The following AGBL1 variants were observed in gnomAD, a reference collection of about 807,000 sequenced individuals.
AGBL1 encodes cytosolic carboxypeptidase 4.
A neutral mutation model predicts 118.9 loss-of-function variants in AGBL1; 130 were observed. That is an observed-to-expected ratio of 1.09 (90% confidence interval 0.95 to 1.26). The LOEUF is 1.26. Among genes scored for constraint, AGBL1 ranks in the 50% most tolerant of loss-of-function variants. The probability of loss-of-function intolerance (pLI) is 0.00; values close to 1 mark genes in which losing one functional copy is unlikely to be tolerated. For synonymous variants in AGBL1, 555 were observed against 478.9 expected, an observed-to-expected ratio of 1.16 and a Z score of -2.08; for missense variants, 1,584 against 1,298.1, an observed-to-expected ratio of 1.22 and a Z score of -3.38.
intron 22 of AGBL1, among the ~76,000 whole-genome samples, chr15:86,855,248 T>G (rs1445833328): frequency 6.6e-6 from 1 of 152,258 alleles, no homozygotes; most frequent in African/African-American, 2.4e-5. Context: ...GCAGCTATTA[T>G]GTGTGAAACA....
rs1277741163 is a variant in AGBL1, at chr15:86,846,537, G to C, written c.3159-60550G>C. On this transcript the variant is annotated intron_variant, in intron 22 of 22. Transcript: ENST00000614907. ...GGGTAGTTTTTTTTTGTTGTTCTTT[G>C]TTTGTTTGTTTTGAGACGGAGTCTC... Among the ~76,000 whole-genome samples, 4 of 149,508 alleles carry C rather than the reference G, an allele frequency of 2.7e-5. No individual in the cohort carries two copies. In the Admixed American group the frequency reaches 3.0e-4, roughly 11 times the overall value.
intron 18 of AGBL1, among the ~76,000 whole-genome samples, chr15:86,473,710 A>G (rs2082513308): frequency 1.3e-5 from 2 of 152,224 alleles, no homozygotes; most frequent in South Asian, 4.1e-4. Context: ...AATTTTTCCA[A>G]ATTGTGATGC....
intron 22 of AGBL1, among the ~76,000 whole-genome samples, chr15:86,742,125 C>T (rs905716494): frequency 6.6e-6 from 1 of 152,056 alleles, no homozygotes; most frequent in Non-Finnish European, 1.5e-5. Context: ...GCCATCTATA[C>T]TCACTGATGA....
At chr15:86,242,952 A>G (rs2078662886) in intron 6 of AGBL1, among the ~76,000 whole-genome samples, 2 of 152,200 alleles carry the variant, frequency 1.3e-5, no homozygotes, top group South Asian at 4.1e-4. Flanking sequence ...AAACATCTTT[A>G]TAAAGATGGT....
At chr15:86,989,251 T>A (rs1303714673) in intron 24 of AGBL1, among the ~76,000 whole-genome samples, 2 of 152,124 alleles carry the variant, frequency 1.3e-5, no homozygotes, top group Non-Finnish European at 2.9e-5. Flanking sequence ...TCATCTTACC[T>A]TGGCTTCCCA....
intron 22 of AGBL1, among the ~76,000 whole-genome samples, chr15:86,834,993 G>C (rs2141423794): frequency 6.6e-6 from 1 of 152,222 alleles, no homozygotes; most frequent in South Asian, 2.1e-4. Context: ...TTTAGCAATT[G>C]TGTTCACTTG....
At chr15:86,223,178 C>T (rs912062662) in intron 5 of AGBL1, among the ~76,000 whole-genome samples, 1 of 152,144 alleles carries the variant, frequency 6.6e-6, no homozygotes, top group Admixed American at 6.5e-5. Context: ...CACCACTAGT[C>T]TGTCTCATAA....
intron 22 of AGBL1, among the ~76,000 whole-genome samples, chr15:86,817,626 TACACAC>T (rs762608485): frequency 4.1e-5 from 4 of 98,122 alleles, no homozygotes; most frequent in Admixed American, 3.0e-4. Flanking sequence ...GAGACAGGCA[TACACAC>T]ACACACACAC....
At chr15:86,996,278 C>G (rs1271671440) in intron 24 of AGBL1, among the ~76,000 whole-genome samples, 1 of 152,180 alleles carries the variant, frequency 6.6e-6, no homozygotes, top group Admixed American at 6.6e-5. Context: ...GCAGCAGATT[C>G]TTCCCAGGAA....
intron 18 of AGBL1, among the ~76,000 whole-genome samples, chr15:86,522,358 T>C (rs183254381): frequency 6.6e-6 from 1 of 152,304 alleles, no homozygotes; most frequent in East Asian, 1.9e-4. Context: ...TAAGCCTCAC[T>C]CTCTTCATTG....
intron 22 of AGBL1, among the ~76,000 whole-genome samples, chr15:86,851,401 G>A (rs992201353): frequency 1.7e-4 from 26 of 152,108 alleles, no homozygotes; most frequent in African/African-American, 6.3e-4. Flanking sequence ...GGCAAACAGT[G>A]AGGACAGAAA....
intron 24 of AGBL1, among the ~76,000 whole-genome samples, chr15:87,018,465 T>G (rs2081629569): frequency 6.6e-6 from 1 of 152,066 alleles, no homozygotes; most frequent in Non-Finnish European, 1.5e-5. Context: ...ATATTCAACA[T>G]TCTTAAAAAA....
At chr15:86,601,008 C>G (rs1166844551) in intron 21 of AGBL1, among the ~76,000 whole-genome samples, 1 of 152,258 alleles carries the variant, frequency 6.6e-6, no homozygotes, top group South Asian at 2.1e-4. Context: ...TTTCTTCAAA[C>G]TTCTCTTTTT....
chr15:86,315,961 G>GA (rs879511508), intron 17 of AGBL1, among the ~76,000 whole-genome samples: 10 of 152,074 alleles, frequency 6.6e-5, no homozygotes, highest in African/African-American at 9.7e-5. Context: ...AAGCTCTCAG[G>GA]AAAAAACCTT....
At chr15:86,718,733 G>T (rs931729156) in intron 22 of AGBL1, among the ~76,000 whole-genome samples, 1 of 152,104 alleles carries the variant, frequency 6.6e-6, no homozygotes, top group Non-Finnish European at 1.5e-5. Context: ...CACAGAAGGG[G>T]TATGTAGCCA....
chr15:86,768,314 T>C (rs2078125299), intron 22 of AGBL1, among the ~76,000 whole-genome samples: 1 of 151,984 alleles, frequency 6.6e-6, no homozygotes, highest in Non-Finnish European at 1.5e-5. Context: ...TAATATAACG[T>C]AATGTAACGT....
intron 16 of AGBL1, among the ~76,000 whole-genome samples, chr15:86,284,477 G>A (rs1197152575): frequency 6.6e-6 from 1 of 152,174 alleles, no homozygotes; most frequent in African/African-American, 2.4e-5. Context: ...GTTTGAGGAA[G>A]CTCATCAGAA....
intron 22 of AGBL1, among the ~76,000 whole-genome samples, chr15:86,726,922 A>C (rs1418268224): frequency 6.6e-6 from 1 of 152,212 alleles, no homozygotes; most frequent in African/African-American, 2.4e-5. Context: ...TGACAAGGCT[A>C]CAATGAATGG....
intron 18 of AGBL1, among the ~76,000 whole-genome samples, chr15:86,521,693 T>C (rs143965000): frequency 6.6e-6 from 1 of 152,252 alleles, no homozygotes; most frequent in East Asian, 1.9e-4. Flanking sequence ...GGGTGATGTA[T>C]TGTGTACTGG....
Sources: gnomAD v4.1 joint callset for allele counts (sites outside exome capture counted in the v4.1 genomes callset) on GRCh38, gnomAD v4.1.1 for gene constraint, MANE v1.5 for transcripts, NCBI Gene and HGNC (gene_info 2026-07-23, HGNC 2026-07-21) for gene names.